The following COL4A1 variants were observed in gnomAD, a reference collection of about 807,000 sequenced individuals.
COL4A1 encodes collagen type IV alpha 1 chain, also known as collagen alpha-1(IV) chain.
Under a neutral mutation model 216.6 loss-of-function variants are expected in COL4A1, and 40 were observed. The observed-to-expected ratio is 0.18, with a 90% CI of 0.14 to 0.24. COL4A1 has a LOEUF of 0.24. Among genes scored for constraint, COL4A1 ranks in the 10% least tolerant of loss-of-function variants. The pLI is 1.00. For synonymous variants in COL4A1, 839 were observed against 810.7 expected, an observed-to-expected ratio of 1.03 and a Z score of -0.59; for missense variants, 1,628 against 2,196.8, an observed-to-expected ratio of 0.74 and a Z score of 5.18.
intron 47 of COL4A1, 97 bp from the exon 48 acceptor site, chr13:110,162,539 A>G (rs1223424077): frequency 2.1e-6 from 2 of 966,356 alleles, no homozygotes; most frequent in African/African-American, 1.6e-5. Flanking sequence ...AATATTTTAT[A>G]TTTCCACAAA....
intron 49 of COL4A1, among the ~76,000 whole-genome samples, chr13:110,156,214 T>C (rs1248958561): frequency 1.3e-5 from 2 of 152,234 alleles, no homozygotes; most frequent in Admixed American, 1.3e-4. Context: ...TTTGGGCATT[T>C]GAGTGTTTTC....
chr13:110,213,686 C>T (rs1420099125), intron 4 of COL4A1, 96 bp downstream of exon 4: 11 of 1,268,816 alleles, frequency 8.7e-6, no homozygotes, highest in South Asian at 3.6e-5. Flanking sequence ...AGATGGAGGA[C>T]GAGGGCAAGG....
At chr13:110,180,565 GCCTTC>G (rs1338174729) in intron 29 of COL4A1, among the ~76,000 whole-genome samples, 1 of 152,268 alleles carries the variant, frequency 6.6e-6, no homozygotes, top group African/African-American at 2.4e-5. Flanking sequence ...TGGTACCAAT[GCCTTC>G]TGGCAATTTC....
chr13:110,270,806 A>G (rs755932948), intron 1 of COL4A1, among the ~76,000 whole-genome samples: 2 of 152,168 alleles, frequency 1.3e-5, no homozygotes. Context: ...AGAAGCAAAG[A>G]CACCACAGTA....
intron 17 of COL4A1, among the ~76,000 whole-genome samples, chr13:110,204,579 TAA>T (rs1487858632): frequency 7.0e-6 from 1 of 142,156 alleles, no homozygotes; most frequent in Non-Finnish European, 1.6e-5. Context: ...AGTCTCATAT[TAA>T]GAGAGAAAAA....
At chr13:110,164,547 C>A (rs187843965) in intron 46 of COL4A1, among the ~76,000 whole-genome samples, 95 of 152,246 alleles carry the variant, frequency 6.2e-4, no homozygotes, top group Middle Eastern at 3.4e-3. Context: ...TACATGCCAC[C>A]CCCATCTGGA....
At chr13:110,218,551 T>C (rs1277206965) in intron 2 of COL4A1, among the ~76,000 whole-genome samples, 1 of 152,228 alleles carries the variant, frequency 6.6e-6, no homozygotes, top group East Asian at 1.9e-4. Flanking sequence ...GGTGTTTGAA[T>C]TCAATAAAAT....
rs186748568 is a variant in COL4A1, at chr13:110,242,897, G to A, written c.85-163C>T. 2.4e-3 allele frequency among the ~76,000 whole-genome samples: 360 copies of A among 152,332 alleles called. 1 individual carries two copies. Among genetic ancestry groups the A allele is most frequent in the African/African-American group, 8.3e-3 (345 of 41,566 alleles). On this transcript the variant is annotated intron_variant, in intron 1 of 51. Transcript: ENST00000375820. Reference sequence around the variant, plus strand: ...CTGGTTTTCATGGGGCTGTCATGCAGTTCCACTTAGGGTGCAGATCCCCTG... The same window carrying A: ...CTGGTTTTCATGGGGCTGTCATGCAATTCCACTTAGGGTGCAGATCCCCTG...
At chr13:110,305,328 C>T (rs1490284447) in intron 1 of COL4A1, among the ~76,000 whole-genome samples, 4 of 152,216 alleles carry the variant, frequency 2.6e-5, no homozygotes, top group African/African-American at 9.7e-5. Flanking sequence ...AACATTAATG[C>T]GTTTGATTTC....
chr13:110,192,699 A>G (rs556393104), intron 23 of COL4A1, 131 bp downstream of exon 23: 85 of 710,824 alleles, frequency 1.2e-4, no homozygotes, highest in African/African-American at 9.8e-4. Context: ...GGGGCCCAAC[A>G]TTCTTCTGAT....
At chr13:110,258,289 GCA>G (rs1882666479) in intron 1 of COL4A1, among the ~76,000 whole-genome samples, 5 of 152,216 alleles carry the variant, frequency 3.3e-5, no homozygotes, top group Non-Finnish European at 7.3e-5. Context: ...TGTAATCCCA[GCA>G]CTTTGGGAGG....
rs1555303159 is a variant in COL4A1, at chr13:110,177,934, G to GT, written c.2627-4dup. On this transcript the variant is annotated splice_polypyrimidine_tract_variant and splice_region_variant and intron_variant, in intron 32 of 51. Coordinates refer to ENST00000375820, the MANE Select transcript of COL4A1 (RefSeq NM_001845.6). ...GACGCCCATTTCTCCCTTGGAACCT[G>GT]TGGCCAAAGGAAAGGACTGTGAACA... The GT allele has an allele frequency of 6.2e-7, 1 of 1,614,146 alleles. No individual in the cohort carries two copies. Among genetic ancestry groups the GT allele is most frequent in the East Asian group, 2.2e-5 (1 of 44,874 alleles).
At chr13:110,155,128 G>A (rs963802504) in intron 50 of COL4A1, among the ~76,000 whole-genome samples, 155 bp downstream of exon 50, 1 of 152,184 alleles carries the variant, frequency 6.6e-6, no homozygotes, top group Admixed American at 6.5e-5. Context: ...GCCAGGCTTT[G>A]AGGCATGCTT....
At chr13:110,150,874 G>A (rs893041092) in intron 51 of COL4A1, among the ~76,000 whole-genome samples, 1 of 152,158 alleles carries the variant, frequency 6.6e-6, no homozygotes, top group Non-Finnish European at 1.5e-5. Context: ...TACACACACA[G>A]TAAGTATTCA....
chr13:110,269,008 C>T (rs1411374534), intron 1 of COL4A1, among the ~76,000 whole-genome samples: 1 of 149,870 alleles, frequency 6.7e-6, no homozygotes, highest in Non-Finnish European at 1.5e-5. Flanking sequence ...CACCTCTTGG[C>T]GCACGGAGAA....
intron 2 of COL4A1, among the ~76,000 whole-genome samples, chr13:110,234,982 C>T (rs1382713667): frequency 6.6e-6 from 1 of 152,046 alleles, no homozygotes; most frequent in Non-Finnish European, 1.5e-5. Flanking sequence ...TTTTAAATCC[C>T]CCTAGTATTG....
At chr13:110,169,336 T>G (rs907196257) in intron 43 of COL4A1, among the ~76,000 whole-genome samples, 1 of 152,194 alleles carries the variant, frequency 6.6e-6, no homozygotes, top group African/African-American at 2.4e-5. Context: ...ATTTAGGCAT[T>G]GAGCCATAAT....
intron 1 of COL4A1, among the ~76,000 whole-genome samples, chr13:110,279,191 C>T (rs1407835909): frequency 3.9e-5 from 6 of 152,030 alleles, no homozygotes; most frequent in East Asian, 1.9e-4. Context: ...TACACTGGAG[C>T]GCCCTTTCCT....
At chr13:110,293,146 G>T (rs538314961) in intron 1 of COL4A1, among the ~76,000 whole-genome samples, 2 of 152,130 alleles carry the variant, frequency 1.3e-5, no homozygotes, top group Non-Finnish European at 2.9e-5. Context: ...CAGTGCCACC[G>T]TTGGGGGCTG....
Sources: allele counts gnomAD v4.1 joint callset (sites outside exome capture counted in the v4.1 genomes callset), GRCh38; gene constraint gnomAD v4.1.1; transcripts MANE v1.5; gene names NCBI Gene and HGNC (gene_info 2026-07-23, HGNC 2026-07-21).